Variants in RBCK1 observed in about 807,000 individuals in gnomAD.
The protein encoded by RBCK1 is ranBP-type and C3HC4-type zinc finger-containing protein 1.
A neutral mutation model predicts 71.1 loss-of-function variants in RBCK1; 44 were observed. That is an observed-to-expected ratio of 0.62 (90% CI 0.49 to 0.80). RBCK1 has a LOEUF of 0.80. Ranked by LOEUF, RBCK1 falls within the 30% of genes least tolerant of loss-of-function variation. The pLI, the probability that RBCK1 is intolerant of heterozygous loss-of-function variation, is 0.00. For missense variants in RBCK1, 569 were observed against 685.0 expected (o/e 0.83, Z 1.89); for synonymous variants, 306 against 279.7 (o/e 1.09, Z -0.94).
At chr20:421,301 G>A (rs1025066760) in intron 7 of RBCK1, among the ~76,000 whole-genome samples, 6 of 152,124 alleles carry the variant, frequency 3.9e-5, no homozygotes, top group Admixed American at 6.5e-5. Context: ...ACCTTTCGCC[G>A]CCCGGGCTCC....
intron 2 of RBCK1, among the ~76,000 whole-genome samples, chr20:411,194 C>T (rs1407451150): frequency 1.3e-5 from 2 of 152,066 alleles, no homozygotes; most frequent in Non-Finnish European, 2.9e-5. Context: ...CATGTTGTAG[C>T]ATGTCTAACA....
rs1332080820 is a variant in RBCK1, at chr20:420,885, G to A, written c.771G>A (p.Gln257=). The A allele has an allele frequency of 1.3e-6, 2 of 1,553,440 alleles. No individual in the cohort carries two copies. The highest frequency in any genetic ancestry group is 2.4e-5 in the East Asian group (1 of 41,816). Residue 257 remains glutamine, a synonymous_variant, in exon 7 of 12, where the codon CAG becomes CAA. Coordinates refer to ENST00000356286, the MANE Select transcript of RBCK1 (RefSeq NM_031229.4). ...CGTGTGCCCAGCGGAAGCAGCAGCA[G>A]CAGGAGGGGAACTACCTGCAGCACG... ...LRQYQQRKQQ[Q]QEGNYLQHVQ...
In RBCK1 at chr20:428,170, G is replaced by T. The variant is rs542354774; in HGVS notation, c.1210-321G>T. Among the ~76,000 whole-genome samples the T allele has an allele frequency of 3.0e-4, 45 of 152,294 alleles. No individual in the cohort carries two copies. Among genetic ancestry groups the T allele is most frequent in the Non-Finnish European group, 4.7e-4 (32 of 68,012 alleles). ...GGCAGGCCCTTGTTAGGGATGCAGG[G>T]TCTCACCCTAGGGGTATAAGGGATT... On this transcript the variant is annotated intron_variant, in intron 9 of 11. Coordinates refer to ENST00000356286, the MANE Select transcript of RBCK1 (RefSeq NM_031229.4). This position sits in a 1 kb window ranked among gnomAD's most constrained non-coding sequence, Gnocchi z 5.7.
At chr20:420,289 G>A (rs1362797102) in intron 6 of RBCK1, 4 of 970,748 alleles carry the variant, frequency 4.1e-6, no homozygotes, top group Non-Finnish European at 4.8e-6. Flanking sequence ...GCCCTACCCC[G>A]CCCCCATCGT....
At position 419,475 on chromosome 20, in the gene RBCK1, T is replaced by TGTCCTTG. The variant is rs1459842333; in HGVS notation, c.582+9_582+15dup. ...AGTGCCTGAGCCCCCACCGGTAAGC[T>TGTCCTTG]GTCCTTGGCCTCAGTATCCTCTTCT... On this transcript the variant is annotated splice_region_variant and intron_variant, in intron 5 of 11. Transcript: ENST00000356286. 6.2e-7 allele frequency: 1 copy of TGTCCTTG among 1,605,400 alleles called. No individual in the cohort carries two copies. The highest frequency in any genetic ancestry group is 8.5e-7 in the Non-Finnish European group (1 of 1,176,026).
intron 11 of RBCK1, 143 bp downstream of exon 11, chr20:429,237 T>C: frequency 7.9e-7 from 1 of 1,265,868 alleles, no homozygotes; most frequent in Non-Finnish European, 1.0e-6. Flanking sequence ...TTTTTTTTTT[T>C]TTTTTTGAAA....
chr20:419,458 A>G lies in RBCK1; in HGVS notation c.572A>G (p.Glu191Gly). ...CGGGGGCAGCCAGATGCAGTGCCTG[A>G]GCCCCCACCGGTAAGCTGTCCTTGG... ...PGRGQPDAVP[E>G]PPPVGWQCPG... is the part of the protein sequence containing the mutation. Residue 191 changes from glutamate (E) to glycine (G), a missense_variant, in exon 5 of 12, where the codon GAG (glutamate) becomes GGG (glycine). Coordinates refer to ENST00000356286, the MANE Select transcript of RBCK1 (RefSeq NM_031229.4). 1 of 1,607,132 alleles carries G rather than the reference A, an allele frequency of 6.2e-7. No homozygotes were observed.
At position 408,617 on chromosome 20, in the gene RBCK1, C is replaced by A; in HGVS notation, c.-141C>A. 1 of 1,034,368 alleles carries A rather than the reference C, an allele frequency of 9.7e-7. No individual in the cohort carries two copies. The highest frequency in any genetic ancestry group is 1.5e-6 in the Non-Finnish European group (1 of 683,718). 64.1% of individuals were successfully genotyped at this position (1,034,368 alleles called of 1,614,324 possible). On this transcript the variant is annotated 5_prime_UTR_variant, in exon 1 of 12. Coordinates refer to ENST00000356286, the MANE Select transcript of RBCK1 (RefSeq NM_031229.4). ...CCCGACTGCCGCGGGGACAGCGAGG[C>A]ACACACAGGGCTTGGGCCGCGCCGG...
chr20:419,828 A>G lies in RBCK1; in HGVS notation c.756+97A>G, dbSNP rs140524808. 135 of 1,459,974 alleles carry G rather than the reference A, an allele frequency of 9.2e-5. 1 individual carries two copies. The African/African-American group carries it at 1.8e-3, about 19-fold the overall frequency. 90.4% of individuals were successfully genotyped at this position (1,459,974 alleles called of 1,614,324 possible). A position where few individuals can be genotyped will look rare whatever the true frequency, so the allele number is the denominator to read the frequency against. ...CTGCGCACTGCCGCGCCTCTCCGTT[A>G]CTGCCTTGCCCCTCCCAACCATGCT... On this transcript the variant is annotated intron_variant, in intron 6 of 11. Coordinates refer to ENST00000356286, the MANE Select transcript of RBCK1 (RefSeq NM_031229.4).
Position 421,047 on chromosome 20 carries a change from C to A in RBCK1, c.917+16C>A. ...CCTTCTGCAGGTGCGGCCCCCAGTC[C>A]CACCCCCGGCAATGCAGCTTAATCA... On this transcript the variant is annotated intron_variant, in intron 7 of 11. Transcript: ENST00000356286. 6.5e-7 allele frequency: 1 copy of A among 1,529,314 alleles called. No homozygotes were observed. The highest frequency in any genetic ancestry group is 1.4e-5 in the African/African-American group (1 of 72,604). 94.7% of individuals were successfully genotyped at this position (1,529,314 alleles called of 1,614,324 possible).
chr20:428,797 A>C lies in RBCK1; in HGVS notation c.1309-154A>C. The stretch of plus-strand genomic sequence containing the variant: ...TGGAGGGTGGAGACCACAGGAATGA[A>C]GAGGGGGTTGCTGGATGGAGCCTGG... On this transcript the variant is annotated intron_variant, in intron 10 of 11. Transcript: ENST00000356286. This position sits in a 1 kb window ranked among gnomAD's most constrained non-coding sequence, Gnocchi z 5.7. 1 of 1,433,670 alleles carries C rather than the reference A, an allele frequency of 7.0e-7. No homozygotes were observed. Among genetic ancestry groups the C allele is most frequent in the South Asian group, 1.5e-5 (1 of 66,812 alleles). The allele number at this position is 1,433,670 out of a possible 1,614,324, so 88.8% of individuals were successfully genotyped here. A position where few individuals can be genotyped will look rare whatever the true frequency, so the allele number is the denominator to read the frequency against.
At position 408,749 on chromosome 20, in the gene RBCK1, C is replaced by A. The variant is rs140276089; in HGVS notation, c.-9C>A. 2.2e-4 allele frequency: 358 copies of A among 1,612,376 alleles called. 1 individual carries two copies. The highest frequency in any genetic ancestry group is 2.6e-4 in the Non-Finnish European group (312 of 1,179,518). On this transcript the variant is annotated 5_prime_UTR_variant, in exon 1 of 12. Transcript: ENST00000356286. The stretch of plus-strand genomic sequence containing the variant: ...GTCCCCCCCAGGGGGATGGGCACAG[C>A]CACGCCAGATGGACGAGAAGACCAA...
At position 417,340 on chromosome 20, in the gene RBCK1, C is replaced by T; in HGVS notation, c.168-186C>T. The T allele has an allele frequency of 1.4e-6, 1 of 735,088 alleles. No homozygotes were observed. The highest frequency in any genetic ancestry group is 2.5e-6 in the Non-Finnish European group (1 of 394,842). 45.5% of individuals were successfully genotyped at this position (735,088 alleles called of 1,614,324 possible). On this transcript the variant is annotated intron_variant, in intron 2 of 11. Transcript: ENST00000356286. The surrounding 1 kb of genome is among the most constrained non-coding windows in gnomAD (Gnocchi z 4.7). ...GCGTGGAGCCATTGGAGGGGCCTAA[C>T]TGGTGGGTTCTAATAAAGGAAGAAG...
intron 9 of RBCK1, 140 bp downstream of exon 9, chr20:427,632 A>T: frequency 1.1e-6 from 1 of 945,780 alleles, no homozygotes; most frequent in Non-Finnish European, 1.6e-6. Flanking sequence ...TCAGTGGGAG[A>T]GTGTGGCTTG....
chr20:423,085 A>G (rs576272262), intron 8 of RBCK1, among the ~76,000 whole-genome samples: 1 of 152,298 alleles, frequency 6.6e-6, no homozygotes, highest in African/African-American at 2.4e-5. Context: ...GGATCACCTG[A>G]GGTCGGGAAT....
chr20:408,714 A>G lies in RBCK1; in HGVS notation c.-44A>G, dbSNP rs770335016. On this transcript the variant is annotated 5_prime_UTR_variant, in exon 1 of 12. Transcript: ENST00000356286. Reference sequence around the variant, plus strand: ...AGGCGACCCGGAGGTAGCATTTCCCAGGAGGCACGGTCCCCCCCAGGGGGA... The same window carrying G: ...AGGCGACCCGGAGGTAGCATTTCCCGGGAGGCACGGTCCCCCCCAGGGGGA... The G allele has an allele frequency of 4.4e-6, 7 of 1,608,060 alleles. No individual in the cohort carries two copies. Among genetic ancestry groups the G allele is most frequent in the Non-Finnish European group, 5.9e-6 (7 of 1,176,844 alleles).
intron 8 of RBCK1, among the ~76,000 whole-genome samples, chr20:427,108 G>A (rs1367761509): frequency 2.0e-5 from 3 of 151,882 alleles, no homozygotes; most frequent in African/African-American, 7.3e-5. Flanking sequence ...CAAAGTGCTG[G>A]GATTACAAGT....
At position 427,451 on chromosome 20, in the gene RBCK1, A is replaced by C; in HGVS notation, c.1168A>C (p.Thr390Pro). ...CTTTGAGGATGATGTCAATGAGTTC[A>C]CCTGCCCTGTGTGTTTCCACGTCAA... ...CFFEDDVNEF[T>P]CPVCFHVNCL... The change falls in exon 9 of 12, where the codon ACC (threonine) becomes CCC (proline). Residue 390 changes from threonine (T) to proline (P), a missense_variant. Physicochemically the swap from Thr to Pro is conservative, Grantham distance 38. This residue lies in a region of RBCK1 where 211 missense variants were observed against 309.4 expected (regional missense o/e 0.68). Transcript: ENST00000356286. 6.2e-7 allele frequency: 1 copy of C among 1,613,974 alleles called. No homozygotes were observed. Among genetic ancestry groups the C allele is most frequent in the Non-Finnish European group, 8.5e-7 (1 of 1,180,012 alleles).
chr20:416,803 C>T (rs1336660771), intron 2 of RBCK1, among the ~76,000 whole-genome samples: 1 of 152,138 alleles, frequency 6.6e-6, no homozygotes, highest in Admixed American at 6.5e-5. Flanking sequence ...TCAAGACCAG[C>T]TTTGGCAACA....
Sources: gnomAD v4.1 joint callset for allele counts (sites outside exome capture counted in the v4.1 genomes callset) on GRCh38, gnomAD v4.1.1 for gene constraint, gnomAD v4.1.1 regional missense constraint, Gnocchi (gnomAD v3.1) non-coding constraint, MANE v1.5 for transcripts, NCBI Gene and HGNC (gene_info 2026-07-23, HGNC 2026-07-21) for gene names.